IMMP2L: variants seen among roughly 807,000 people sequenced by gnomAD.
IMMP2L encodes the protein inner mitochondrial membrane peptidase subunit 2.
Under a neutral mutation model 19.3 loss-of-function variants are expected in IMMP2L, and 18 were observed. The ratio of observed to expected loss-of-function variants is 0.93; its 90% CI spans 0.64 to 1.38. IMMP2L has a LOEUF of 1.38. Ranked by LOEUF, IMMP2L falls within the 40% of genes most tolerant of loss-of-function variation. IMMP2L has a pLI of 0.00. For missense variants in IMMP2L, 233 were observed against 218.2 expected, an observed-to-expected ratio of 1.07 and a Z score of -0.43; for synonymous variants, 76 against 73.0, an observed-to-expected ratio of 1.04 and a Z score of -0.21.
At chr7:111,301,440 A>C (rs1271130077) in intron 3 of IMMP2L, among the ~76,000 whole-genome samples, 5 of 151,662 alleles carry the variant, frequency 3.3e-5, no homozygotes, top group Admixed American at 6.6e-5. Context: ...CTCTCTTAAC[A>C]AGAGTCTTAC....
At chr7:111,082,773 G>C (rs1248435148) in intron 3 of IMMP2L, among the ~76,000 whole-genome samples, 1 of 149,178 alleles carries the variant, frequency 6.7e-6, no homozygotes, top group African/African-American at 2.5e-5. Flanking sequence ...AAAGATGTAA[G>C]AAGTGCTCTT....
chr7:111,510,829 T>C (rs903494675), intron 2 of IMMP2L, among the ~76,000 whole-genome samples: 1 of 152,182 alleles, frequency 6.6e-6, no homozygotes, highest in African/African-American at 2.4e-5. Context: ...GTCTTTCCCA[T>C]GTGGCCCCAC....
chr7:110,890,083 TA>T (rs1029390925), intron 4 of IMMP2L, among the ~76,000 whole-genome samples: 1 of 152,234 alleles, frequency 6.6e-6, no homozygotes, highest in Non-Finnish European at 1.5e-5. Flanking sequence ...ATCAGTTTTT[TA>T]AAATTACCTG....
chr7:111,511,301 T>C (rs1333577319), intron 2 of IMMP2L, among the ~76,000 whole-genome samples: 2 of 151,940 alleles, frequency 1.3e-5, no homozygotes, highest in Non-Finnish European at 2.9e-5. Flanking sequence ...TCATATATCC[T>C]AGATCAGGCA....
chr7:111,092,151 T>C (rs775668280), intron 3 of IMMP2L, among the ~76,000 whole-genome samples: 5 of 152,178 alleles, frequency 3.3e-5, no homozygotes, highest in Non-Finnish European at 5.9e-5. Flanking sequence ...CTGGGGTAAA[T>C]GACTTCCCTT....
At chr7:110,794,039 C>T (rs1800676821) in intron 5 of IMMP2L, among the ~76,000 whole-genome samples, 2 of 152,040 alleles carry the variant, frequency 1.3e-5, no homozygotes, top group Non-Finnish European at 1.5e-5. Flanking sequence ...AAGTTTCATT[C>T]ATTGCTGGTA....
In IMMP2L at chr7:111,091,892, G is replaced by A. The variant is rs140951709; in HGVS notation, c.240-128327C>T. On this transcript the variant is annotated intron_variant, in intron 3 of 5. Transcript: ENST00000405709. Reference sequence around the variant, plus strand: ...GAAGACAGAGAGGAGACAGAGAGGAGAGGAGAGTCACGGGTGATGGGGTGC... The same window carrying A: ...GAAGACAGAGAGGAGACAGAGAGGAAAGGAGAGTCACGGGTGATGGGGTGC... Among the ~76,000 whole-genome samples the A allele has an allele frequency of 3.4e-4, 51 of 152,102 alleles. No individual in the cohort carries two copies. In the East Asian group the frequency reaches 7.6e-3, roughly 23 times the overall value.
At chr7:111,134,712 T>G (rs1395234300) in intron 3 of IMMP2L, among the ~76,000 whole-genome samples, 1 of 152,056 alleles carries the variant, frequency 6.6e-6, no homozygotes, top group Non-Finnish European at 1.5e-5. Context: ...GAAAAAAACT[T>G]TCGGAGATTT....
chr7:110,923,348 T>C (rs558165309), intron 4 of IMMP2L, among the ~76,000 whole-genome samples: 5 of 152,284 alleles, frequency 3.3e-5, no homozygotes, highest in African/African-American at 1.2e-4. Flanking sequence ...AAATAAAGCA[T>C]TTGATAGGGA....
At chr7:110,666,917 G>GTGTA (rs1368841843) in intron 5 of IMMP2L, among the ~76,000 whole-genome samples, 28 of 152,210 alleles carry the variant, frequency 1.8e-4, no homozygotes, top group African/African-American at 6.7e-4. Flanking sequence ...GTACTTGTAG[G>GTGTA]CCGGAGTGCA....
At chr7:111,134,363 T>C (rs1309733082) in intron 3 of IMMP2L, among the ~76,000 whole-genome samples, 2 of 152,006 alleles carry the variant, frequency 1.3e-5, no homozygotes, top group African/African-American at 4.8e-5. Context: ...GAAAGAGTAT[T>C]TGTAGATGTA....
At chr7:111,521,173 C>A (rs773260591) in intron 2 of IMMP2L, 140 bp downstream of exon 2, 560 of 882,492 alleles carry the variant, frequency 6.3e-4, no homozygotes, top group Non-Finnish European at 6.4e-4. Context: ...AGAACAAATT[C>A]AGTAAAGTAA....
Position 111,356,554 on chromosome 7 carries a change from C to G in IMMP2L, c.239+130684G>C, listed in dbSNP as rs138670092. 5.4e-3 allele frequency among the ~76,000 whole-genome samples: 829 copies of G among 152,160 alleles called. 15 individuals carry two copies. Among genetic ancestry groups the G allele is most frequent in the African/African-American group, 0.018 (759 of 41,518 alleles). ...ACAGATACAGAGGAATGACTGCAAC[C>G]CCTTATTCAACGTTAAATCCCAATT... On this transcript the variant is annotated intron_variant, in intron 3 of 5. Coordinates refer to ENST00000405709, the MANE Select transcript of IMMP2L (RefSeq NM_032549.4).
intron 5 of IMMP2L, among the ~76,000 whole-genome samples, chr7:110,682,880 C>T (rs1226311743): frequency 6.6e-6 from 1 of 152,080 alleles, no homozygotes; most frequent in Non-Finnish European, 1.5e-5. Flanking sequence ...GGGAACACAG[C>T]ATTTCGGAGG....
chr7:110,740,005 T>A (rs1322988905), intron 5 of IMMP2L, among the ~76,000 whole-genome samples: 2 of 152,128 alleles, frequency 1.3e-5, no homozygotes, highest in Non-Finnish European at 2.9e-5. Flanking sequence ...TAAAAGTTCT[T>A]TGAACTGAAC....
intron 3 of IMMP2L, among the ~76,000 whole-genome samples, chr7:111,462,854 G>C (rs1049205351): frequency 2.6e-5 from 4 of 152,142 alleles, no homozygotes; most frequent in South Asian, 2.1e-4. Flanking sequence ...TAAGGTCTTC[G>C]TGGCTCTGTG....
At chr7:111,104,788 T>C (rs1798360636) in intron 3 of IMMP2L, among the ~76,000 whole-genome samples, 1 of 151,746 alleles carries the variant, frequency 6.6e-6, no homozygotes, top group Non-Finnish European at 1.5e-5. Flanking sequence ...AAAATATGCA[T>C]AGAAATACCC....
intron 3 of IMMP2L, among the ~76,000 whole-genome samples, chr7:111,305,443 C>G (rs1473421322): frequency 6.6e-6 from 1 of 152,028 alleles, no homozygotes; most frequent in Non-Finnish European, 1.5e-5. Context: ...ATTCTCCCGC[C>G]TCAGCCTCCT....
intron 3 of IMMP2L, among the ~76,000 whole-genome samples, chr7:110,971,225 A>G (rs937603567): frequency 2.6e-5 from 4 of 152,164 alleles, no homozygotes; most frequent in African/African-American, 9.6e-5. Context: ...CCAGTTTGCC[A>G]TGATATCAGT....
Sources: allele counts gnomAD v4.1 joint callset (sites outside exome capture counted in the v4.1 genomes callset), GRCh38; gene constraint gnomAD v4.1.1; transcripts MANE v1.5; gene names NCBI Gene and HGNC (gene_info 2026-07-23, HGNC 2026-07-21).